The following RSPH3 variants were observed in gnomAD, a reference collection of about 807,000 sequenced individuals.
The protein encoded by RSPH3 is radial spoke head 3, also known as radial spoke head protein 3 homolog.
Under a neutral mutation model 43.8 loss-of-function variants are expected in RSPH3, and 21 were observed. That is an observed-to-expected ratio of 0.48 (90% CI 0.34 to 0.69). The LOEUF (loss-of-function observed/expected upper bound fraction) is 0.69. Among genes scored for constraint, RSPH3 ranks in the 30% least tolerant of loss-of-function variants. RSPH3 has a pLI of 0.01. For synonymous variants in RSPH3, 173 were observed against 179.8 expected (o/e 0.96, Z 0.30); for missense variants, 487 against 516.0 (o/e 0.94, Z 0.54).
Position 158,978,291 on chromosome 6 carries a change from T to C in RSPH3, c.915A>G (p.Glu305=). The change falls in exon 7 of 8, where the codon GAA becomes GAG. Residue 305 remains glutamate, a synonymous_variant. Transcript: ENST00000367069. The stretch of plus-strand genomic sequence containing the variant: ...GCACTGTTCTTCCCACCATGCTATA[T>C]TCCATGGTTTTTTCAACTTCATTCA... ...WLMNEVEKTM[E]YSMVGRTVLD... 1 of 1,585,792 alleles carries C rather than the reference T, an allele frequency of 6.3e-7. No homozygotes were observed. The highest frequency in any genetic ancestry group is 8.7e-7 in the Non-Finnish European group (1 of 1,155,750).
At chr6:158,963,349 C>T in the RSPH3 span, among the ~76,000 whole-genome samples, 2,512 of 141,174 alleles carry the variant, frequency 0.018, 34 homozygotes, top group Admixed American at 0.024. Context: ...CTCCTTCCTT[C>T]CTTTCTTTCT....
chr6:158,977,955 A>C, intron 7 of RSPH3, 107 bp from the exon 8 acceptor site: 5 of 935,994 alleles, frequency 5.3e-6, no homozygotes, highest in Non-Finnish European at 8.0e-6. Context: ...ACGAAGCCTC[A>C]TCTCTTTCCT....
intron 6 of RSPH3, among the ~76,000 whole-genome samples, chr6:158,980,389 A>C (rs2128606029): frequency 6.6e-6 from 1 of 151,948 alleles, no homozygotes; most frequent in Admixed American, 6.6e-5. Flanking sequence ...AGATTGCGCC[A>C]CTACACTCCA....
Position 158,975,468 on chromosome 6 carries a change from AG to A in RSPH3, c.*2069del, listed in dbSNP as rs1377813954. On this transcript the variant is annotated 3_prime_UTR_variant, in exon 8 of 8. Coordinates refer to ENST00000367069, the MANE Select transcript of RSPH3 (RefSeq NM_031924.8). Reference sequence around the variant, plus strand: ...TCCAGCTTTAGTCCTATTCCCTACTAGGCTCGTCATCTATTGCAAATCACTT... The same window carrying A: ...TCCAGCTTTAGTCCTATTCCCTACTAGCTCGTCATCTATTGCAAATCACTT... The A allele has an allele frequency of 1.1e-4, 17 of 152,212 alleles. No individual in the cohort carries two copies. The highest frequency in any genetic ancestry group is 4.1e-4 in the African/African-American group (17 of 41,450). The allele number at this position is 152,212 out of a possible 1,614,324, so 9.4% of individuals were successfully genotyped here.
At chr6:158,985,231 A>C (rs1018293507) in intron 3 of RSPH3, among the ~76,000 whole-genome samples, 1 of 152,262 alleles carries the variant, frequency 6.6e-6, no homozygotes, top group Non-Finnish European at 1.5e-5. Context: ...GCACAGCGAC[A>C]GAACCAGAGG....
intron 3 of RSPH3, among the ~76,000 whole-genome samples, chr6:158,985,052 G>A (rs1218442483): frequency 2.0e-5 from 3 of 152,202 alleles, no homozygotes; most frequent in Non-Finnish European, 4.4e-5. Flanking sequence ...ACCTGAAGTA[G>A]TGACAGTGGT....
chr6:158,968,970 T>C (rs1777662602), downstream of RSPH3, among the ~76,000 whole-genome samples: 1 of 152,218 alleles, frequency 6.6e-6, no homozygotes, highest in Non-Finnish European at 1.5e-5. Context: ...AATTACATCT[T>C]TATACATTAG....
At chr6:158,981,777 G>A (rs1778038121) in intron 5 of RSPH3, among the ~76,000 whole-genome samples, 1 of 151,916 alleles carries the variant, frequency 6.6e-6, no homozygotes, top group Non-Finnish European at 1.5e-5. Flanking sequence ...AGGCCCCTTG[G>A]GAATTTTTTC....
chr6:158,978,145 T>C (rs1777912957), intron 7 of RSPH3, 115 bp downstream of exon 7: 3 of 699,330 alleles, frequency 4.3e-6, no homozygotes, highest in Non-Finnish European at 7.3e-6. Context: ...ATTAATACAA[T>C]TGATATACTA....
chr6:158,990,583 C>T (rs577430885), intron 2 of RSPH3: 22 of 151,992 alleles, frequency 1.4e-4, no homozygotes, highest in African/African-American at 5.3e-4. Context: ...GTAAGAAATC[C>T]ACTGCCATTT....
downstream of RSPH3, among the ~76,000 whole-genome samples, chr6:158,969,056 A>C (rs911942007): frequency 4.6e-5 from 7 of 152,240 alleles, no homozygotes; most frequent in African/African-American, 1.7e-4. Flanking sequence ...ATTACAAAGA[A>C]AAGTAAATTT....
downstream of RSPH3, among the ~76,000 whole-genome samples, chr6:158,968,467 C>T (rs1029108380): frequency 6.6e-6 from 1 of 152,072 alleles, no homozygotes; most frequent in Middle Eastern, 3.2e-3. Context: ...AACTCCTGAC[C>T]TCAAGTGATC....
rs1199468594 is a variant in RSPH3 at position 158,999,905 on chromosome 6, A to C, written c.-355T>G. 1 of 1,612,858 alleles carries C rather than the reference A, an allele frequency of 6.2e-7. No individual in the cohort carries two copies. Among genetic ancestry groups the C allele is most frequent in the East Asian group, 2.2e-5 (1 of 44,866 alleles). On this transcript the variant is annotated 5_prime_UTR_variant, in exon 1 of 8. Transcript: ENST00000367069. ...GCTCTTGACTCCGCCCAGCCGCGCC[A>C]CCCAGGTAGGTGCGCCTGCGCTTTG...
chr6:158,974,264 A>T lies in RSPH3; in HGVS notation c.*3274T>A, dbSNP rs988868574. ...GTCAAGTACTGTTTATACTCCAAAA[A>T]GTATTTGGAGCTTATAATTCCTTTA... On this transcript the variant is annotated 3_prime_UTR_variant, in exon 8 of 8. Transcript: ENST00000367069. 1 of 152,240 alleles carries T rather than the reference A, an allele frequency of 6.6e-6. No homozygotes were observed. The highest frequency in any genetic ancestry group is 1.5e-5 in the Non-Finnish European group (1 of 68,046). The allele number at this position is 152,240 out of a possible 1,614,324, so 9.4% of individuals were successfully genotyped here.
downstream of RSPH3, among the ~76,000 whole-genome samples, chr6:158,969,361 G>T (rs1777668729): frequency 6.6e-6 from 1 of 152,172 alleles, no homozygotes; most frequent in Non-Finnish European, 1.5e-5. Context: ...CATGATGTGG[G>T]ATGAGAAGTC....
At chr6:158,964,137 A>C in the RSPH3 span, among the ~76,000 whole-genome samples, 1 of 152,332 alleles carries the variant, frequency 6.6e-6, no homozygotes, top group African/African-American at 2.4e-5. Context: ...AACAATTTTA[A>C]GAATGGACAA....
At chr6:158,985,276 G>C (rs984043077) in intron 3 of RSPH3, among the ~76,000 whole-genome samples, 1 of 152,218 alleles carries the variant, frequency 6.6e-6, no homozygotes, top group East Asian at 1.9e-4. Flanking sequence ...AGACGACTCA[G>C]ATGGGAGTGG....
chr6:158,972,646 A>G (rs896224553), downstream of RSPH3, among the ~76,000 whole-genome samples: 1 of 152,230 alleles, frequency 6.6e-6, no homozygotes, highest in African/African-American at 2.4e-5. Context: ...CGTATTTATA[A>G]AAATCATAAA....
chr6:158,995,469 G>A (rs1778559475), intron 1 of RSPH3, among the ~76,000 whole-genome samples: 1 of 152,170 alleles, frequency 6.6e-6, no homozygotes, highest in South Asian at 2.1e-4. Context: ...CCAGCCTCTA[G>A]AGACTGCCCT....
Sources: gnomAD v4.1 joint callset for allele counts (sites outside exome capture counted in the v4.1 genomes callset) on GRCh38, gnomAD v4.1.1 for gene constraint, MANE v1.5 for transcripts, NCBI Gene and HGNC (gene_info 2026-07-23, HGNC 2026-07-21) for gene names.